The following ABR variants were observed in gnomAD, a reference collection of about 807,000 sequenced individuals.
ABR encodes the protein ABR activator of RhoGEF and GTPase.
A neutral mutation model predicts 107.2 loss-of-function variants in ABR; 35 were observed. The observed-to-expected ratio is 0.33, with a 90% CI of 0.25 to 0.43. The LOEUF is 0.43. Among genes scored for constraint, ABR ranks in the 20% least tolerant of loss-of-function variants. ABR has a pLI of 1.00. For synonymous variants in ABR, 498 were observed against 462.0 expected, an observed-to-expected ratio of 1.08 and a Z score of -1.00; for missense variants, 815 against 1,115.2, an observed-to-expected ratio of 0.73 and a Z score of 3.83.
chr17:1,101,782 A>C (rs368575623), intron 2 of ABR, among the ~76,000 whole-genome samples: 1 of 148,840 alleles, frequency 6.7e-6, no homozygotes, highest in Admixed American at 6.8e-5. Context: ...CGCCCAGGCT[A>C]GAGTGCAGTG....
chr17:1,213,539 G>T (rs1413226253), intron 1 of ABR, among the ~76,000 whole-genome samples: 1 of 152,032 alleles, frequency 6.6e-6, no homozygotes, highest in East Asian at 1.9e-4. Flanking sequence ...ACAGGTGCAT[G>T]CCACTATGCC....
intron 14 of ABR, among the ~76,000 whole-genome samples, chr17:1,053,442 C>T (rs1185064494): frequency 2.9e-5 from 4 of 137,196 alleles, no homozygotes; most frequent in Non-Finnish European, 6.3e-5. Context: ...GAGCTGGGGA[C>T]GGCTCACAGG....
intron 1 of ABR, among the ~76,000 whole-genome samples, chr17:1,166,418 T>C (rs1327471181): frequency 6.6e-6 from 1 of 152,076 alleles, no homozygotes; most frequent in East Asian, 1.9e-4. Flanking sequence ...GAACAGCACG[T>C]GCAAAAGGCA....
intron 3 of ABR, among the ~76,000 whole-genome samples, chr17:1,100,316 C>A (rs943793057): frequency 6.6e-6 from 1 of 152,166 alleles, no homozygotes; most frequent in African/African-American, 2.4e-5. Context: ...GGCGCTCGGC[C>A]CCCGCCCAGG....
chr17:1,047,931 C>T (rs925447843), intron 16 of ABR, among the ~76,000 whole-genome samples: 5 of 152,210 alleles, frequency 3.3e-5, no homozygotes, highest in Admixed American at 1.3e-4. Context: ...ACCGTGCCCA[C>T]GGGGCTGGCT....
intron 9 of ABR, among the ~76,000 whole-genome samples, chr17:1,068,534 C>T (rs1283456681): frequency 6.6e-6 from 1 of 152,242 alleles, no homozygotes; most frequent in Non-Finnish European, 1.5e-5. Context: ...TGAATCCAGA[C>T]TGCCGCTTCT....
chr17:1,148,751 C>G lies in ABR; in HGVS notation c.62-23384G>C, dbSNP rs563015003. Among the ~76,000 whole-genome samples, 1 of 152,198 alleles carries G rather than the reference C, an allele frequency of 6.6e-6. No individual in the cohort carries two copies. On this transcript the variant is annotated intron_variant, in intron 1 of 22. Coordinates refer to ENST00000302538, the MANE Select transcript of ABR (RefSeq NM_021962.5). This position sits in a 1 kb window ranked among gnomAD's most constrained non-coding sequence, Gnocchi z 4.9. ...CCCTGGTGCGCTGGTTTCACAGATG[C>G]GGAGTCTCAGTTTAGCCAGGTGAGA...
At chr17:1,048,404 G>GGTAA (rs879479901) in intron 16 of ABR, among the ~76,000 whole-genome samples, 15,006 of 150,744 alleles carry the variant, frequency 0.1, 921 homozygotes, top group Admixed American at 0.2. Flanking sequence ...ATGCTACCAA[G>GGTAA]GACCTGCAGG....
At chr17:1,105,430 C>A (rs1379386989) in intron 2 of ABR, among the ~76,000 whole-genome samples, 1 of 147,636 alleles carries the variant, frequency 6.8e-6, no homozygotes, top group Non-Finnish European at 1.5e-5. Flanking sequence ...AAATATAGAT[C>A]GAGGTGCCAC....
intron 10 of ABR, among the ~76,000 whole-genome samples, chr17:1,064,224 T>A (rs2034411271): frequency 8.4e-6 from 1 of 118,630 alleles, no homozygotes; most frequent in Non-Finnish European, 1.8e-5. Context: ...GCTATGCATG[T>A]TCCTCTAGAC....
chr17:1,050,308 T>A lies in ABR; in HGVS notation c.1660-127A>T. 3 of 1,292,062 alleles carry A rather than the reference T, an allele frequency of 2.3e-6. No homozygotes were observed. Among genetic ancestry groups the A allele is most frequent in the Non-Finnish European group, 3.2e-6 (3 of 949,674 alleles). The allele number at this position is 1,292,062 out of a possible 1,614,324, so 80.0% of individuals were successfully genotyped here. A position where few individuals can be genotyped will look rare whatever the true frequency, so the allele number is the denominator to read the frequency against. ...CGGCCCACGAAGGACACGTCAGATT[T>A]TCTGGAGCTCCCAGAGGCCTCCCAT... On this transcript the variant is annotated intron_variant, in intron 15 of 22. Transcript: ENST00000302538. The surrounding 1 kb of genome is among the most constrained non-coding windows in gnomAD (Gnocchi z 4.6).
chr17:1,057,957 G>A lies in ABR; in HGVS notation c.1381+13C>T, dbSNP rs1257700909. 2 of 1,611,342 alleles carry A rather than the reference G, an allele frequency of 1.2e-6. No homozygotes were observed. Among genetic ancestry groups the A allele is most frequent in the Admixed American group, 1.7e-5 (1 of 59,982 alleles). On this transcript the variant is annotated intron_variant, in intron 12 of 22. Transcript: ENST00000302538. Reference sequence around the variant, plus strand: ...GGACATCATTGGGGAGCGTGGAAGAGGCAGGAATTTACCCTTCTTCTGTAG... The same window carrying A: ...GGACATCATTGGGGAGCGTGGAAGAAGCAGGAATTTACCCTTCTTCTGTAG...
intron 1 of ABR, among the ~76,000 whole-genome samples, chr17:1,163,299 G>A (rs114931994): frequency 9.5e-4 from 145 of 152,282 alleles, no homozygotes; most frequent in Middle Eastern, 3.4e-3. Context: ...TTTTTGTGTC[G>A]ACTCTGTATC....
intron 16 of ABR, among the ~76,000 whole-genome samples, chr17:1,024,412 C>T (rs1265834706): frequency 1.3e-5 from 2 of 152,192 alleles, no homozygotes; most frequent in South Asian, 2.1e-4. Flanking sequence ...GCTGAGTGGC[C>T]GGGGTCTGAA....
At chr17:1,166,505 G>A (rs1009154532) in intron 1 of ABR, among the ~76,000 whole-genome samples, 1 of 152,166 alleles carries the variant, frequency 6.6e-6, no homozygotes, top group African/African-American at 2.4e-5. Flanking sequence ...CGGGGGTGTG[G>A]CAGTGGGGCC....
chr17:1,049,883 C>G, intron 16 of ABR, 167 bp downstream of exon 16: 1 of 946,562 alleles, frequency 1.1e-6, no homozygotes, highest in Non-Finnish European at 1.6e-6. Flanking sequence ...GGGGCCACAA[C>G]AGGCAGCCAC....
upstream of ABR, among the ~76,000 whole-genome samples, chr17:1,190,028 C>T (rs2042397992): frequency 6.6e-6 from 1 of 152,194 alleles, no homozygotes; most frequent in South Asian, 2.1e-4. Flanking sequence ...GTTGAGACGT[C>T]GCGTCGAGAA....
intron 18 of ABR, chr17:1,012,297 A>G (rs1597354802): frequency 1.6e-6 from 1 of 634,646 alleles, no homozygotes; most frequent in African/African-American, 1.8e-5. Flanking sequence ...GGCAGCCCAC[A>G]TGAGGAGGTG....
chr17:1,161,555 ATTT>A (rs533692775), intron 1 of ABR, among the ~76,000 whole-genome samples: 18 of 131,624 alleles, frequency 1.4e-4, no homozygotes, highest in Non-Finnish European at 1.8e-4. Context: ...CAAAGTCACT[ATTT>A]TTTTTTTTTT....
Sources: allele counts gnomAD v4.1 joint callset (sites outside exome capture counted in the v4.1 genomes callset), GRCh38; gene constraint gnomAD v4.1.1; non-coding constraint Gnocchi (gnomAD v3.1); transcripts MANE v1.5; gene names NCBI Gene and HGNC (gene_info 2026-07-23, HGNC 2026-07-21).